The following DIAPH2 variants were observed in gnomAD, a reference collection of about 807,000 sequenced individuals.
DIAPH2 encodes diaphanous related formin 2.
A neutral mutation model predicts 92.7 loss-of-function variants in DIAPH2; 35 were observed. The observed-to-expected ratio is 0.38, with a 90% confidence interval of 0.29 to 0.50. DIAPH2 has a LOEUF of 0.50. Among genes scored for constraint, DIAPH2 ranks in the 20% least tolerant of loss-of-function variants. DIAPH2 has a pLI of 0.94. For synonymous variants in DIAPH2, 301 were observed against 280.4 expected (o/e 1.07, Z -0.73); for missense variants, 701 against 819.5 (o/e 0.86, Z 1.77).
intron 21 of DIAPH2, among the ~76,000 whole-genome samples, chrX:97,116,416 A>G (rs960995933): frequency 6.2e-5 from 7 of 112,127 alleles, no homozygotes; most frequent in Non-Finnish European, 9.4e-5. Flanking sequence ...GGGGACATGT[A>G]AAATCATTTC....
chrX:96,811,095 A>G (rs371900700), intron 4 of DIAPH2, among the ~76,000 whole-genome samples: 1 of 111,906 alleles, frequency 8.9e-6, no homozygotes, highest in South Asian at 3.8e-4. Flanking sequence ...TTGAATCTAT[A>G]AATTACCTTG....
intron 23 of DIAPH2, among the ~76,000 whole-genome samples, chrX:97,284,814 C>G (rs1220085633): frequency 9.0e-6 from 1 of 110,901 alleles, no homozygotes; most frequent in East Asian, 2.8e-4. Flanking sequence ...GTGTATCTAT[C>G]TCTTTTCTAA....
At chrX:96,926,657 T>C (rs1184955493) in intron 9 of DIAPH2, among the ~76,000 whole-genome samples, 1 of 111,699 alleles carries the variant, frequency 9.0e-6, no homozygotes, top group Non-Finnish European at 1.9e-5. Flanking sequence ...ATACATGACA[T>C]AAATGATTGG....
intron 24 of DIAPH2, among the ~76,000 whole-genome samples, chrX:97,370,370 T>C (rs372953130): frequency 4.0e-4 from 44 of 111,028 alleles, no homozygotes; most frequent in African/African-American, 1.4e-3. Flanking sequence ...CAGTTAGGAA[T>C]TAGTAAGATA....
At chrX:96,986,429 A>G in intron 17 of DIAPH2, among the ~76,000 whole-genome samples, 1 of 111,880 alleles carries the variant, frequency 8.9e-6, no homozygotes. Context: ...ATATTTCTGA[A>G]CAAACTTTAG....
chrX:96,955,412 A>G (rs2065804485), intron 15 of DIAPH2, among the ~76,000 whole-genome samples: 1 of 111,730 alleles, frequency 9.0e-6, no homozygotes, highest in Non-Finnish European at 1.9e-5. Flanking sequence ...GAGCTAAACC[A>G]TATCATTCCA....
rs1343882637 is a variant in DIAPH2 at position 97,275,754 on chromosome X, C to T, written c.2844+27915C>T. Among the ~76,000 whole-genome samples, 13 of 107,376 alleles carry T rather than the reference C, an allele frequency of 1.2e-4. No individual in the cohort carries two copies. The South Asian group carries it at 1.8e-3, about 15-fold the overall frequency. The allele number at this position is 107,376 out of a possible 115,157, so 93.2% of individuals were successfully genotyped here. A position where few individuals can be genotyped will look rare whatever the true frequency, so the allele number is the denominator to read the frequency against. On this transcript the variant is annotated intron_variant, in intron 23 of 26. Coordinates refer to ENST00000324765, the MANE Select transcript of DIAPH2 (RefSeq NM_006729.5). ...GCAGAGACGCTCCTCACTTCCTAGA[C>T]GGGATGGCGGCCGGGAAGAGGCGCT...
chrX:96,918,241 A>T (rs1485342447), intron 8 of DIAPH2, among the ~76,000 whole-genome samples: 1 of 111,378 alleles, frequency 9.0e-6, no homozygotes, highest in Non-Finnish European at 1.9e-5. Flanking sequence ...CTAAGAGTGT[A>T]TGTAGACTTT....
chrX:97,372,697 G>A (rs1220561976), intron 24 of DIAPH2, among the ~76,000 whole-genome samples: 4 of 111,996 alleles, frequency 3.6e-5, no homozygotes, highest in African/African-American at 9.7e-5. Context: ...AAAGCAGGGC[G>A]TGGTGGCTCA....
At chrX:97,038,921 T>C (rs1194276269) in intron 17 of DIAPH2, among the ~76,000 whole-genome samples, 3 of 111,557 alleles carry the variant, frequency 2.7e-5, no homozygotes, top group Non-Finnish European at 5.7e-5. Context: ...GTCTTGTATA[T>C]AAATCCTTTT....
chrX:96,732,718 A>T (rs1243975453), intron 1 of DIAPH2, among the ~76,000 whole-genome samples: 1 of 112,218 alleles, frequency 8.9e-6, no homozygotes, highest in African/African-American at 3.2e-5. Flanking sequence ...GAATAAAACA[A>T]AGCACAGTCC....
At chrX:97,183,982 T>A (rs2067560949) in intron 22 of DIAPH2, among the ~76,000 whole-genome samples, 1 of 112,509 alleles carries the variant, frequency 8.9e-6, no homozygotes, top group South Asian at 3.7e-4. Context: ...TGTAGTGCTA[T>A]AACCCCACAC....
chrX:96,758,137 A>G lies in DIAPH2; in HGVS notation c.343-17A>G. The G allele has an allele frequency of 8.6e-7, 1 of 1,161,524 alleles. No homozygotes were observed. The highest frequency in any genetic ancestry group is 1.1e-6 in the Non-Finnish European group (1 of 871,073). ...TGGAAATTTATCAATGCCCACAGTAAATGTTATCTCTTACAGGAGGACATG... is the reference window on the plus strand; with the variant it reads ...TGGAAATTTATCAATGCCCACAGTAGATGTTATCTCTTACAGGAGGACATG... On this transcript the variant is annotated splice_polypyrimidine_tract_variant and intron_variant, in intron 3 of 26. Transcript: ENST00000324765.
At chrX:97,093,826 C>T (rs951393109) in intron 19 of DIAPH2, among the ~76,000 whole-genome samples, 1 of 111,755 alleles carries the variant, frequency 8.9e-6, no homozygotes, top group African/African-American at 3.3e-5. Context: ...GTGATCTTCA[C>T]TGATCTACTT....
chrX:97,095,544 G>A (rs961073627), intron 19 of DIAPH2, among the ~76,000 whole-genome samples: 3 of 109,007 alleles, frequency 2.8e-5, no homozygotes, highest in Non-Finnish European at 3.8e-5. Flanking sequence ...GCCCCAATCC[G>A]TTTATGTGGA....
chrX:96,888,552 T>TAG (rs2065281487), intron 5 of DIAPH2, among the ~76,000 whole-genome samples: 1 of 95,141 alleles, frequency 1.1e-5, no homozygotes, highest in Non-Finnish European at 2.0e-5. Flanking sequence ...CAGATATATA[T>TAG]ATCTATATAT....
At chrX:97,353,258 C>CT (rs1422559572) in intron 24 of DIAPH2, among the ~76,000 whole-genome samples, 13 of 110,364 alleles carry the variant, frequency 1.2e-4, no homozygotes, top group Non-Finnish European at 1.9e-4. Flanking sequence ...CACAAATAGT[C>CT]TTTTTTTTCT....
At chrX:97,284,777 G>C (rs2068526783) in intron 23 of DIAPH2, among the ~76,000 whole-genome samples, 1 of 111,023 alleles carries the variant, frequency 9.0e-6, no homozygotes, top group African/African-American at 3.3e-5. Context: ...GAGAGAGAGA[G>C]AATGCTTAGT....
At chrX:97,442,390 A>G (rs936631307) in intron 26 of DIAPH2, among the ~76,000 whole-genome samples, 1 of 112,700 alleles carries the variant, frequency 8.9e-6, no homozygotes, top group African/African-American at 3.2e-5. Flanking sequence ...TGCCAGTCTA[A>G]CAGGAGCAGA....
Sources: gnomAD v4.1 joint callset for allele counts (sites outside exome capture counted in the v4.1 genomes callset) on GRCh38, gnomAD v4.1.1 for gene constraint, MANE v1.5 for transcripts, NCBI Gene and HGNC (gene_info 2026-07-23, HGNC 2026-07-21) for gene names.